Variants in DPP4 observed in about 807,000 individuals in gnomAD.
The protein encoded by DPP4 is dipeptidyl peptidase 4.
Under a neutral mutation model 122.4 loss-of-function variants are expected in DPP4, and 93 were observed. That is an observed-to-expected ratio of 0.76 (90% confidence interval 0.64 to 0.90). The LOEUF (loss-of-function observed/expected upper bound fraction) is 0.90, where lower values mean the gene tolerates loss of function less well. Among genes scored for constraint, DPP4 ranks in the 40% least tolerant of loss-of-function variants. The pLI, the probability that DPP4 is intolerant of heterozygous loss-of-function variation, is 0.00. For missense variants in DPP4, 914 were observed against 907.3 expected, an observed-to-expected ratio of 1.01 and a Z score of -0.09; for synonymous variants, 321 against 302.9, an observed-to-expected ratio of 1.06 and a Z score of -0.62.
At chr2:162,061,682 T>A (rs1023726361) in intron 2 of DPP4, among the ~76,000 whole-genome samples, 1 of 152,222 alleles carries the variant, frequency 6.6e-6, no homozygotes, top group African/African-American at 2.4e-5. Context: ...TAATAAATGT[T>A]CATTAAAAAA....
chr2:162,032,192 C>G (rs991345311), intron 10 of DPP4: 1 of 152,176 alleles, frequency 6.6e-6, no homozygotes, highest in East Asian at 1.9e-4. Flanking sequence ...CTTGTTCGTT[C>G]AAGCCAGAAA....
chr2:162,005,310 GA>G (rs958939137), intron 23 of DPP4, among the ~76,000 whole-genome samples: 18 of 151,474 alleles, frequency 1.2e-4, no homozygotes, highest in Admixed American at 8.5e-4. Context: ...AAATCTTTGT[GA>G]AAAAAAACTG....
At chr2:161,996,231 G>T (rs1388937413) in intron 23 of DPP4, among the ~76,000 whole-genome samples, 1 of 152,208 alleles carries the variant, frequency 6.6e-6, no homozygotes, top group East Asian at 1.9e-4. Flanking sequence ...TACCAAAGTT[G>T]GGATGAAGGT....
rs781533194 is a variant in DPP4, at chr2:161,995,360, T to A, written c.2065A>T (p.Met689Leu). The stretch of plus-strand genomic sequence containing the variant: ...TGTTTAAAATTTTCAGCTCTGCTCA[T>A]GACTGTTGAATTCTGGAATTGGGAG... ...NLDHYRNSTV[M>L]SRAENFKQVE... The change falls in exon 24 of 26, where the codon ATG (methionine) becomes TTG (leucine). Residue 689 changes from methionine to leucine, a missense_variant. By Grantham distance (15) the Met-to-Leu change is conservative. Transcript: ENST00000360534. 2 of 1,613,744 alleles carry A rather than the reference T, an allele frequency of 1.2e-6. No individual in the cohort carries two copies. The highest frequency in any genetic ancestry group is 4.5e-5 in the East Asian group (2 of 44,896).
At chr2:162,027,399 T>A (rs1199018651) in intron 10 of DPP4, among the ~76,000 whole-genome samples, 2 of 151,496 alleles carry the variant, frequency 1.3e-5, no homozygotes, top group East Asian at 3.9e-4. Flanking sequence ...CACACAGAAA[T>A]GGGCAGTGGA....
intron 15 of DPP4, 57 bp downstream of exon 15, chr2:162,019,166 T>A: frequency 6.9e-7 from 1 of 1,441,436 alleles, no homozygotes; most frequent in Non-Finnish European, 9.7e-7. Context: ...AAAATAGAGT[T>A]CAGAAATTGT....
At chr2:162,024,308 C>T (rs1438878666) in intron 11 of DPP4, among the ~76,000 whole-genome samples, 1 of 152,238 alleles carries the variant, frequency 6.6e-6, no homozygotes, top group Non-Finnish European at 1.5e-5. Flanking sequence ...TCAGGATTGC[C>T]ACCCTCTCAG....
intron 20 of DPP4, among the ~76,000 whole-genome samples, chr2:162,009,580 GT>G (rs905225787): frequency 5.3e-5 from 8 of 150,392 alleles, no homozygotes; most frequent in South Asian, 4.2e-4. Flanking sequence ...AATCCTGGCA[GT>G]TTTTTTCACA....
At chr2:162,049,778 A>G (rs1684319748) in intron 2 of DPP4, among the ~76,000 whole-genome samples, 1 of 152,212 alleles carries the variant, frequency 6.6e-6, no homozygotes. Context: ...GTTGTAGGTT[A>G]ATAAAAGATT....
Position 162,009,217 on chromosome 2 carries a change from C to A in DPP4, c.1887+24G>T, listed in dbSNP as rs752088354. 19 of 1,610,528 alleles carry A rather than the reference C, an allele frequency of 1.2e-5. No homozygotes were observed. The African/African-American group carries it at 2.5e-4, about 22-fold the overall frequency. ...AGTGATATTCACTAACGAATGCATACAGATTCATCAGTCAACTACTCACCC... is the reference window on the plus strand; with the variant it reads ...AGTGATATTCACTAACGAATGCATAAAGATTCATCAGTCAACTACTCACCC... On this transcript the variant is annotated intron_variant, in intron 21 of 25. Transcript: ENST00000360534.
intron 5 of DPP4, among the ~76,000 whole-genome samples, chr2:162,041,566 G>A (rs763593480): frequency 2.6e-5 from 4 of 151,866 alleles, no homozygotes; most frequent in Non-Finnish European, 2.9e-5. Flanking sequence ...TCTACTTTTC[G>A]GGAGTCATAC....
Position 162,038,424 on chromosome 2 carries a change from T to G in DPP4, c.493-2A>C. On this transcript the variant is annotated splice_acceptor_variant, in intron 7 of 25. Transcript: ENST00000360534. LOFTEE classifies it high-confidence loss of function. The stretch of plus-strand genomic sequence containing the variant: ...AATGTCATTGTTCCAAACATATGCC[T>G]AGAAGGAAAAAAAACAAGCATTGAT... The G allele has an allele frequency of 6.3e-7, 1 of 1,593,678 alleles. No homozygotes were observed. The highest frequency in any genetic ancestry group is 8.5e-7 in the Non-Finnish European group (1 of 1,173,024).
intron 2 of DPP4, among the ~76,000 whole-genome samples, chr2:162,071,018 C>T (rs1685095724): frequency 6.6e-6 from 1 of 152,150 alleles, no homozygotes; most frequent in African/African-American, 2.4e-5. Flanking sequence ...TCTGGAGCCT[C>T]CAAATTCTGA....
chr2:162,012,713 A>C (rs1278592237), intron 19 of DPP4, among the ~76,000 whole-genome samples: 1 of 152,006 alleles, frequency 6.6e-6, no homozygotes, highest in African/African-American at 2.4e-5. Context: ...CTGCTTGTTA[A>C]TCAAGAGGAG....
At chr2:162,001,826 C>T (rs989889187) in intron 23 of DPP4, among the ~76,000 whole-genome samples, 18 of 152,166 alleles carry the variant, frequency 1.2e-4, no homozygotes, top group Non-Finnish European at 4.4e-5. Flanking sequence ...AAGATGTTTC[C>T]ATAGAGCTAT....
At chr2:162,003,315 G>A (rs1329112257) in intron 23 of DPP4, among the ~76,000 whole-genome samples, 1 of 152,180 alleles carries the variant, frequency 6.6e-6, no homozygotes, top group Non-Finnish European at 1.5e-5. Context: ...GAGAAGAGGG[G>A]GAACTCGGTG....
chr2:161,993,434 T>TAA (rs397977835), intron 25 of DPP4, 50 bp from the exon 26 acceptor site: 385 of 1,052,350 alleles, frequency 3.7e-4, no homozygotes, highest in South Asian at 2.0e-3. Flanking sequence ...GTACTCTTCT[T>TAA]AAAAAAAAAA....
chr2:162,072,269 G>A (rs1436302563), intron 2 of DPP4, among the ~76,000 whole-genome samples: 1 of 152,210 alleles, frequency 6.6e-6, no homozygotes, highest in African/African-American at 2.4e-5. Context: ...TTTACACAAA[G>A]AGTTGCTTTA....
At chr2:162,032,733 C>A (rs1462974653) in intron 10 of DPP4, among the ~76,000 whole-genome samples, 1 of 150,954 alleles carries the variant, frequency 6.6e-6, no homozygotes, top group African/African-American at 2.4e-5. Flanking sequence ...GCAACAAAAC[C>A]AAATAAATAA....
Sources: allele counts gnomAD v4.1 joint callset (sites outside exome capture counted in the v4.1 genomes callset), GRCh38; gene constraint gnomAD v4.1.1; transcripts MANE v1.5; gene names NCBI Gene and HGNC (gene_info 2026-07-23, HGNC 2026-07-21).